Variants in WDFY2 observed in about 807,000 individuals in gnomAD.
WDFY2 encodes the protein WD repeat and FYVE domain containing 2, also known as WD repeat and FYVE domain-containing protein 2.
Under a neutral mutation model 56.4 loss-of-function variants are expected in WDFY2, and 36 were observed. The ratio of observed to expected loss-of-function variants is 0.64; its 90% CI spans 0.49 to 0.84. The LOEUF (loss-of-function observed/expected upper bound fraction) is 0.84, where lower values mean the gene tolerates loss of function less well. WDFY2 is among the 40% of genes least tolerant of loss of function. The probability of loss-of-function intolerance (pLI) is 0.00; values close to 1 mark genes in which losing one functional copy is unlikely to be tolerated. For synonymous variants in WDFY2, 176 were observed against 183.7 expected, an observed-to-expected ratio of 0.96 and a Z score of 0.34; for missense variants, 444 against 512.2, an observed-to-expected ratio of 0.87 and a Z score of 1.29.
At chr13:51,630,865 GCCT>G (rs1454669802) in intron 1 of WDFY2, among the ~76,000 whole-genome samples, 2 of 150,470 alleles carry the variant, frequency 1.3e-5, no homozygotes, top group Non-Finnish European at 3.0e-5. Flanking sequence ...TGCAACCCCT[GCCT>G]CCTGGATTTA....
chr13:51,660,572 T>C (rs773855065), intron 1 of WDFY2, 24 bp from the exon 2 acceptor site: 18 of 1,602,796 alleles, frequency 1.1e-5, no homozygotes, highest in South Asian at 3.3e-5. Context: ...TGTGATTTCA[T>C]GTACATATTT....
chr13:51,623,592 G>A (rs1954782599), intron 1 of WDFY2, among the ~76,000 whole-genome samples: 1 of 151,840 alleles, frequency 6.6e-6, no homozygotes, highest in Non-Finnish European at 1.5e-5. Context: ...TTTTTGTGTT[G>A]TGTTTTTTAC....
intron 1 of WDFY2, among the ~76,000 whole-genome samples, chr13:51,594,444 T>G (rs1438979129): frequency 6.6e-6 from 1 of 152,196 alleles, no homozygotes; most frequent in African/African-American, 2.4e-5. Flanking sequence ...TATTGAGTGG[T>G]CCTTATATTT....
At position 51,632,723 on chromosome 13, in the gene WDFY2, A is replaced by G. The variant is rs528518673; in HGVS notation, c.138-27873A>G. 2.6e-5 allele frequency among the ~76,000 whole-genome samples: 4 copies of G among 152,358 alleles called. No homozygotes were observed. The East Asian group carries it at 5.8e-4, about 22-fold the overall frequency. ...CACTGAGAAAATTTTAAAATGTGCA[A>G]TCTTAAAAATTTTTAAATGTACAAA... is the stretch of plus-strand genomic sequence containing the variant. On this transcript the variant is annotated intron_variant, in intron 1 of 11. Coordinates refer to ENST00000298125, the MANE Select transcript of WDFY2 (RefSeq NM_052950.4).
chr13:51,696,257 C>T (rs1951873885), intron 3 of WDFY2, among the ~76,000 whole-genome samples: 1 of 152,216 alleles, frequency 6.6e-6, no homozygotes, highest in South Asian at 2.1e-4. Context: ...AGAAATCACC[C>T]ATCTTCTGCA....
intron 1 of WDFY2, among the ~76,000 whole-genome samples, chr13:51,597,820 C>T (rs1954180187): frequency 6.6e-6 from 1 of 152,160 alleles, no homozygotes; most frequent in African/African-American, 2.4e-5. Context: ...TGAAAAACAG[C>T]AGGTAGAAAT....
intron 4 of WDFY2, among the ~76,000 whole-genome samples, chr13:51,715,823 G>A (rs1045269826): frequency 6.6e-6 from 1 of 152,120 alleles, no homozygotes; most frequent in African/African-American, 2.4e-5. Context: ...TGCTAGAACA[G>A]CCACGCCCTT....
intron 1 of WDFY2, among the ~76,000 whole-genome samples, chr13:51,609,815 C>A (rs948266597): frequency 2.6e-5 from 4 of 151,976 alleles, no homozygotes; most frequent in African/African-American, 9.7e-5. Flanking sequence ...CATTAAGCAA[C>A]CCCATCTTTA....
rs562035511 is a variant in WDFY2 at position 51,751,533 on chromosome 13, T to A, written c.831+118T>A. 43 of 1,016,434 alleles carry A rather than the reference T, an allele frequency of 4.2e-5. No individual in the cohort carries two copies. In the African/African-American group the frequency reaches 5.3e-4, roughly 13 times the overall value. 63.0% of individuals were successfully genotyped at this position (1,016,434 alleles called of 1,614,324 possible). ...AATAAGGCATGTAACGTTAAAGAAT[T>A]GTAGCATAAAAGGAGTTGTTTGGGT... On this transcript the variant is annotated intron_variant, in intron 8 of 11. Coordinates refer to ENST00000298125, the MANE Select transcript of WDFY2 (RefSeq NM_052950.4).
intron 1 of WDFY2, among the ~76,000 whole-genome samples, chr13:51,653,033 C>T (rs1249148932): frequency 2.0e-5 from 3 of 152,216 alleles, no homozygotes; most frequent in African/African-American, 7.2e-5. Flanking sequence ...CCGTCACTTT[C>T]AGGTACACCA....
In WDFY2 at chr13:51,584,813, C is replaced by G; in HGVS notation, c.126C>G (p.Val42=). The change falls in exon 1 of 12, where the codon GTC becomes GTG. Residue 42 remains valine (V), a synonymous_variant. Coordinates refer to ENST00000298125, the MANE Select transcript of WDFY2 (RefSeq NM_052950.4). ...IVPKEEGVIS[V]SEDRTVRVWL... The stretch of plus-strand genomic sequence containing the variant: ...CCAAAGAGGAGGGCGTCATCAGCGT[C>G]TCCGAGGACAGGTATGGACTACTGC... The G allele has an allele frequency of 6.2e-7, 1 of 1,613,882 alleles. No homozygotes were observed. Among genetic ancestry groups the G allele is most frequent in the Non-Finnish European group, 8.5e-7 (1 of 1,179,798 alleles).
chr13:51,585,477 T>C (rs1456982562), intron 1 of WDFY2, among the ~76,000 whole-genome samples: 1 of 152,224 alleles, frequency 6.6e-6, no homozygotes. Flanking sequence ...CTTGAGTTCC[T>C]TCCCTTTGCC....
chr13:51,719,113 A>T, intron 4 of WDFY2, 85 bp from the exon 5 acceptor site: 1 of 1,576,068 alleles, frequency 6.3e-7, no homozygotes, highest in Non-Finnish European at 8.7e-7. Context: ...GGTGGGGAGA[A>T]GAGAATGGTG....
intron 5 of WDFY2, among the ~76,000 whole-genome samples, chr13:51,725,938 G>A (rs574466155): frequency 1.9e-4 from 29 of 152,238 alleles, no homozygotes; most frequent in South Asian, 1.2e-3. Flanking sequence ...GCCTCCCAAA[G>A]TGCTGGGATT....
chr13:51,651,540 C>G (rs1281150590), intron 1 of WDFY2, among the ~76,000 whole-genome samples: 1 of 152,198 alleles, frequency 6.6e-6, no homozygotes, highest in African/African-American at 2.4e-5. Flanking sequence ...CCTGCTTTCT[C>G]TTATGGGTAT....
In WDFY2 at chr13:51,609,615, G is replaced by A. The variant is rs1000601771; in HGVS notation, c.137+24791G>A. Among the ~76,000 whole-genome samples, 7 of 48,488 alleles carry A rather than the reference G, an allele frequency of 1.4e-4. No individual in the cohort carries two copies. The East Asian group carries it at 3.0e-3, about 21-fold the overall frequency. 31.8% of individuals were successfully genotyped at this position (48,488 alleles called of 152,430 possible). ...TAAAAACCCCAACCCCCGCCCCCCC[G>A]CCCTCCCCAAAAAACCAGGTTAACA... On this transcript the variant is annotated intron_variant, in intron 1 of 11. Coordinates refer to ENST00000298125, the MANE Select transcript of WDFY2 (RefSeq NM_052950.4).
At chr13:51,738,451 T>C (rs1271491076) in intron 6 of WDFY2, among the ~76,000 whole-genome samples, 1 of 152,220 alleles carries the variant, frequency 6.6e-6, no homozygotes, top group African/African-American at 2.4e-5. Flanking sequence ...GGTTGATGTT[T>C]TCATTCTTAG....
chr13:51,663,859 A>T (rs530742200), intron 2 of WDFY2, among the ~76,000 whole-genome samples: 5 of 152,368 alleles, frequency 3.3e-5, no homozygotes, highest in Admixed American at 6.5e-5. Context: ...ACCATATTTT[A>T]TGTTTATTCT....
At chr13:51,666,819 G>C (rs1418939710) in intron 2 of WDFY2, among the ~76,000 whole-genome samples, 1 of 151,992 alleles carries the variant, frequency 6.6e-6, no homozygotes, top group South Asian at 2.1e-4. Flanking sequence ...CATTTCAAAT[G>C]GTAGGTAATA....
Sources: gnomAD v4.1 joint callset for allele counts (sites outside exome capture counted in the v4.1 genomes callset) on GRCh38, gnomAD v4.1.1 for gene constraint, MANE v1.5 for transcripts, NCBI Gene and HGNC (gene_info 2026-07-23, HGNC 2026-07-21) for gene names.